FGF17: variants seen among roughly 807,000 people sequenced by gnomAD.
FGF17 encodes fibroblast growth factor 17.
Under a neutral mutation model 23.5 loss-of-function variants are expected in FGF17, and 5 were observed. That is an observed-to-expected ratio of 0.21 (90% confidence interval 0.11 to 0.45). The LOEUF is 0.45. Among genes scored for constraint, FGF17 ranks in the 20% least tolerant of loss-of-function variants. FGF17 has a pLI of 0.99. For synonymous variants in FGF17, 136 were observed against 123.0 expected (o/e 1.11, Z -0.70); for missense variants, 221 against 306.9 (o/e 0.72, Z 2.09).
upstream of FGF17, among the ~76,000 whole-genome samples, chr8:22,041,489 C>T (rs566947878): frequency 1.9e-3 from 291 of 152,340 alleles, 2 homozygotes; most frequent in East Asian, 3.9e-4. Flanking sequence ...TCTGCTTGCT[C>T]ACACTGGGTC....
At position 22,048,682 on chromosome 8, in the gene FGF17, G is replaced by T; in HGVS notation, c.*433G>T. 1 of 184,858 alleles carries T rather than the reference G, an allele frequency of 5.4e-6. No homozygotes were observed. The highest frequency in any genetic ancestry group is 1.1e-5 in the Non-Finnish European group (1 of 89,996). 11.5% of individuals were successfully genotyped at this position (184,858 alleles called of 1,614,324 possible). ...TGTAGGAAGGGACTTTTGTTTGTTT[G>T]TTTGTTTCAGGAAAAAAGAAAGGGA... On this transcript the variant is annotated 3_prime_UTR_variant, in exon 5 of 5. Transcript: ENST00000359441. The surrounding 1 kb of genome is among the most constrained non-coding windows in gnomAD (Gnocchi z 6.9).
chr8:22,044,778 C>T (rs1332955641), intron 2 of FGF17: 1 of 985,450 alleles, frequency 1.0e-6, no homozygotes, highest in East Asian at 1.1e-4. Flanking sequence ...TAACCCCGCG[C>T]AGGTTAAATG....
chr8:22,043,641 G>A (rs1800785231), intron 2 of FGF17, among the ~76,000 whole-genome samples: 1 of 152,082 alleles, frequency 6.6e-6, no homozygotes, highest in South Asian at 2.1e-4. Flanking sequence ...CAGAATGCCT[G>A]GCCAGGGTGA....
chr8:22,046,275 G>C lies in FGF17; in HGVS notation c.234G>C (p.Glu78Asp), dbSNP rs1800864299. The C allele has an allele frequency of 6.2e-7, 1 of 1,613,454 alleles. No individual in the cohort carries two copies. Among genetic ancestry groups the C allele is most frequent in the African/African-American group, 1.3e-5 (1 of 74,944 alleles). Residue 78 changes from glutamate to aspartate, a missense_variant, in exon 3 of 5, where the codon GAG becomes GAC. Glu to Asp is a conservative substitution (Grantham distance 45). This residue lies in a region of FGF17 where 58 missense variants were observed against 121.0 expected (regional missense o/e 0.48). Transcript: ENST00000359441. ...VTGRRISATA[E>D]DGNKFAKLIV... ...GGCGTCGCATCTCCGCCACCGCCGA[G>C]GACGGCAACAAGTTTGGTGAGAGTT...
intron 2 of FGF17, chr8:22,045,289 G>C: frequency 1.0e-6 from 1 of 985,974 alleles, no homozygotes; most frequent in Non-Finnish European, 1.2e-6. Context: ...TGTGGCTAAG[G>C]AGCTGCCTGC....
intron 4 of FGF17, 82 bp downstream of exon 4, chr8:22,046,715 C>A: frequency 1.1e-6 from 1 of 887,946 alleles, no homozygotes; most frequent in Non-Finnish European, 1.8e-6. Flanking sequence ...CCCCTCTCTC[C>A]TCTGAGCCAC....
upstream of FGF17, among the ~76,000 whole-genome samples, chr8:22,042,053 C>T (rs1284110717): frequency 6.6e-6 from 1 of 152,226 alleles, no homozygotes; most frequent in Non-Finnish European, 1.5e-5. Context: ...TGATTTCACA[C>T]TTGACCCCCC....
intron 2 of FGF17, 55 bp from the exon 3 acceptor site, chr8:22,046,059 G>C (rs1421826910): frequency 1.2e-6 from 2 of 1,613,670 alleles, no homozygotes; most frequent in Non-Finnish European, 1.7e-6. Flanking sequence ...GGATGGACCA[G>C]TGGTGGTGTC....
Position 22,047,113 on chromosome 8 carries a change from G to A in FGF17, c.357+480G>A, listed in dbSNP as rs1005441941. Among the ~76,000 whole-genome samples, 9 of 152,034 alleles carry A rather than the reference G, an allele frequency of 5.9e-5. 1 individual carries two copies. The highest frequency in any genetic ancestry group is 8.8e-5 in the Non-Finnish European group (6 of 67,988). ...GGTTTCTCTATTTAAATGAGTCCCC[G>A]GGACTCTATTAGCCCTCTGAGGGGA... On this transcript the variant is annotated intron_variant, in intron 4 of 4. Coordinates refer to ENST00000359441, the MANE Select transcript of FGF17 (RefSeq NM_003867.4).
At chr8:22,040,753 C>T (rs1307774893), upstream of FGF17, among the ~76,000 whole-genome samples, 2 of 152,232 alleles carry the variant, frequency 1.3e-5, no homozygotes, top group Admixed American at 1.3e-4. Context: ...CAGCTGACAC[C>T]TCCACCAACC....
chr8:22,046,702 G>A lies in FGF17; in HGVS notation c.357+69G>A, dbSNP rs1168719673. The A allele has an allele frequency of 9.2e-6, 9 of 983,532 alleles. No individual in the cohort carries two copies. The Admixed American group carries it at 1.2e-4, about 13-fold the overall frequency. 60.9% of individuals were successfully genotyped at this position (983,532 alleles called of 1,614,324 possible). ...GGGGTGGGGACATATAGGGCATCAT[G>A]CTCCCCTCTCTCCTCTGAGCCACAC... is the stretch of plus-strand genomic sequence containing the variant. On this transcript the variant is annotated intron_variant, in intron 4 of 4. Coordinates refer to ENST00000359441, the MANE Select transcript of FGF17 (RefSeq NM_003867.4).
intron 4 of FGF17, among the ~76,000 whole-genome samples, chr8:22,047,091 TTCTC>T (rs1475278613): frequency 1.3e-5 from 2 of 152,022 alleles, no homozygotes; most frequent in East Asian, 1.9e-4. Flanking sequence ...CCGGCCTGGT[TTCTC>T]TATTTAAATG....
At chr8:22,041,930 G>A (rs1160070765), upstream of FGF17, among the ~76,000 whole-genome samples, 1 of 152,198 alleles carries the variant, frequency 6.6e-6, no homozygotes, top group Non-Finnish European at 1.5e-5. Context: ...AGGGGACTCC[G>A]AGCTGCTCCT....
At chr8:22,043,043 C>T (rs372018973) in intron 1 of FGF17, 80 bp downstream of exon 1, 158 of 1,599,814 alleles carry the variant, frequency 9.9e-5, no homozygotes, top group East Asian at 7.4e-4. Context: ...GGGACTCCCA[C>T]GCGTGCGTGC....
chr8:22,040,349 C>T (rs574763229), upstream of FGF17, among the ~76,000 whole-genome samples: 19 of 152,328 alleles, frequency 1.2e-4, no homozygotes, highest in South Asian at 3.1e-3. Context: ...GGCAAAGGGG[C>T]GGGGATAAAA....
chr8:22,039,709 C>G (rs1800710775), upstream of FGF17, among the ~76,000 whole-genome samples: 1 of 152,120 alleles, frequency 6.6e-6, no homozygotes, highest in Non-Finnish European at 1.5e-5. Flanking sequence ...GCCTGAACAA[C>G]AAGAATGAAA....
Position 22,045,783 on chromosome 8 carries a change from G to A in FGF17, c.73-331G>A, listed in dbSNP as rs3176291. On this transcript the variant is annotated intron_variant, in intron 2 of 4. Coordinates refer to ENST00000359441, the MANE Select transcript of FGF17 (RefSeq NM_003867.4). ...CTGTCCCTAATGAGCTGTGTGCCCC[G>A]TGCACCTCCTTCATAGAATACGAGG... 7,226 of 1,244,214 alleles carry A rather than the reference G, an allele frequency of 5.8e-3. 314 individuals carry two copies. In the African/African-American group the frequency reaches 0.097, roughly 17 times the overall value. The allele number at this position is 1,244,214 out of a possible 1,614,324, so 77.1% of individuals were successfully genotyped here. A position where few individuals can be genotyped will look rare whatever the true frequency, so the allele number is the denominator to read the frequency against.
upstream of FGF17, among the ~76,000 whole-genome samples, chr8:22,040,310 C>T (rs1318372318): frequency 6.6e-6 from 1 of 152,226 alleles, no homozygotes; most frequent in Non-Finnish European, 1.5e-5. Context: ...AAGGGACTTG[C>T]CACAGGTCAC....
upstream of FGF17, chr8:22,042,517 G>A (rs773000395): frequency 5.4e-5 from 15 of 278,358 alleles, no homozygotes; most frequent in African/African-American, 1.7e-4. Flanking sequence ...GCCACACATC[G>A]AGTTTGTCTG....
Sources: gnomAD v4.1 joint callset for allele counts (sites outside exome capture counted in the v4.1 genomes callset) on GRCh38, gnomAD v4.1.1 for gene constraint, gnomAD v4.1.1 regional missense constraint, Gnocchi (gnomAD v3.1) non-coding constraint, MANE v1.5 for transcripts, NCBI Gene and HGNC (gene_info 2026-07-23, HGNC 2026-07-21) for gene names.